Variants in PTK2B observed in about 807,000 individuals in gnomAD.
PTK2B encodes the protein protein tyrosine kinase 2 beta.
PTK2B carries 71 observed loss-of-function variants against 142.9 expected under a neutral mutation model. That is an observed-to-expected ratio of 0.50 (90% CI 0.41 to 0.61). The LOEUF (loss-of-function observed/expected upper bound fraction) is 0.61. Among genes scored for constraint, PTK2B ranks in the 20% least tolerant of loss-of-function variants. The pLI is 0.00. For synonymous variants in PTK2B, 519 were observed against 503.4 expected, an observed-to-expected ratio of 1.03 and a Z score of -0.42; for missense variants, 1,105 against 1,320.4, an observed-to-expected ratio of 0.84 and a Z score of 2.53.
intron 1 of PTK2B, among the ~76,000 whole-genome samples, chr8:27,329,871 AG>A (rs1259752843): frequency 6.6e-6 from 1 of 152,140 alleles, no homozygotes; most frequent in African/African-American, 2.4e-5. Context: ...CCTATTTGCA[AG>A]ATGGAGACAA....
chr8:27,348,441 G>T (rs567132619), intron 1 of PTK2B, among the ~76,000 whole-genome samples: 1 of 151,922 alleles, frequency 6.6e-6, no homozygotes, highest in Non-Finnish European at 1.5e-5. Flanking sequence ...TCTTCCCGGC[G>T]TGCACACACA....
Position 27,312,094 on chromosome 8 carries a change from A to G in PTK2B, c.-580-210A>G, listed in dbSNP as rs151166657. ...CTGAGATAACTAGAGTTCATGCTCA[A>G]TTCTTGCCAGGTACAGTAGGCCTGG... On this transcript the variant is annotated intron_variant, in intron 1 of 35. Transcript: ENST00000397501. 2.2e-3 allele frequency among the ~76,000 whole-genome samples: 329 copies of G among 152,300 alleles called. 1 individual carries two copies. Among genetic ancestry groups the G allele is most frequent in the Non-Finnish European group, 4.3e-3 (292 of 68,030 alleles).
intron 24 of PTK2B, among the ~76,000 whole-genome samples, chr8:27,448,330 C>T (rs935835868): frequency 6.6e-6 from 1 of 152,244 alleles, no homozygotes; most frequent in African/African-American, 2.4e-5. Context: ...TTTTAAAACA[C>T]CATGAGTACC....
chr8:27,431,981 AT>A (rs1810457675), intron 9 of PTK2B: 3 of 367,352 alleles, frequency 8.2e-6, no homozygotes, highest in African/African-American at 6.9e-5. Flanking sequence ...ACATGTTGAG[AT>A]TTTTTTGTGC....
intron 1 of PTK2B, among the ~76,000 whole-genome samples, chr8:27,362,292 G>T (rs1805756616): frequency 6.6e-6 from 1 of 152,124 alleles, no homozygotes. Context: ...TCCACTTCCT[G>T]GGCGTGACTC....
chr8:27,397,163 C>G (rs2131401750), intron 1 of PTK2B, among the ~76,000 whole-genome samples: 1 of 152,316 alleles, frequency 6.6e-6, no homozygotes, highest in East Asian at 1.9e-4. Context: ...CTGTCTCACT[C>G]TTTGCTTTTT....
At chr8:27,437,696 G>A in intron 17 of PTK2B, 69 bp from the exon 18 acceptor site, 1 of 1,468,172 alleles carries the variant, frequency 6.8e-7, no homozygotes, top group Non-Finnish European at 9.4e-7. Context: ...GGGGTTGCCA[G>A]CACCCTGGTC....
At chr8:27,440,106 AG>A (rs2132229051) in intron 20 of PTK2B, 130 bp from the exon 21 acceptor site, 1 of 887,072 alleles carries the variant, frequency 1.1e-6, no homozygotes, top group African/African-American at 1.7e-5. Context: ...GCAGGACCCC[AG>A]GGTGCTGGAG....
At chr8:27,339,222 G>A (rs545846837) in intron 1 of PTK2B, among the ~76,000 whole-genome samples, 1 of 152,326 alleles carries the variant, frequency 6.6e-6, no homozygotes, top group South Asian at 2.1e-4. Flanking sequence ...TCACCAGAGT[G>A]GGACCTTTAG....
At chr8:27,440,550 G>C in intron 21 of PTK2B, 109 bp downstream of exon 21, 1 of 1,322,918 alleles carries the variant, frequency 7.6e-7, no homozygotes, top group Non-Finnish European at 1.0e-6. Context: ...AGACGGGCCA[G>C]GGTCAAGGAC....
chr8:27,340,932 G>C (rs926096658), intron 1 of PTK2B, among the ~76,000 whole-genome samples: 1 of 152,246 alleles, frequency 6.6e-6, no homozygotes, highest in African/African-American at 2.4e-5. Context: ...AGAACAGACA[G>C]GGCTTGGCCA....
At chr8:27,355,439 CAAG>C (rs1321639248) in intron 1 of PTK2B, among the ~76,000 whole-genome samples, 4 of 152,264 alleles carry the variant, frequency 2.6e-5, no homozygotes, top group South Asian at 4.1e-4. Context: ...CTGGAAAAGA[CAAG>C]AAGAAGGATT....
At chr8:27,339,729 CA>C (rs1049720713) in intron 1 of PTK2B, among the ~76,000 whole-genome samples, 12 of 152,180 alleles carry the variant, frequency 7.9e-5, no homozygotes, top group African/African-American at 2.9e-4. Flanking sequence ...AGTTGGGGAT[CA>C]GGGGGTCAGG....
intron 17 of PTK2B, 128 bp from the exon 18 acceptor site, chr8:27,437,636 AC>A: frequency 3.3e-6 from 4 of 1,218,710 alleles, no homozygotes; most frequent in Non-Finnish European, 2.3e-6. Flanking sequence ...AATTGCTGGA[AC>A]ATTTTGCCAG....
In PTK2B at chr8:27,397,806, G is replaced by A; in HGVS notation, c.204+18G>A. Reference sequence around the variant, plus strand: ...AGATCCGGGTAAGTGTGAAGTGTCTGCCCTGTCCATCTGTCTGTCCCTCTG... The same window carrying A: ...AGATCCGGGTAAGTGTGAAGTGTCTACCCTGTCCATCTGTCTGTCCCTCTG... On this transcript the variant is annotated intron_variant, in intron 2 of 30. Transcript: ENST00000346049. 6.2e-7 allele frequency: 1 copy of A among 1,612,518 alleles called. No individual in the cohort carries two copies. The highest frequency in any genetic ancestry group is 8.5e-7 in the Non-Finnish European group (1 of 1,178,504).
chr8:27,351,053 C>A (rs1805064987), intron 1 of PTK2B, among the ~76,000 whole-genome samples: 1 of 112,860 alleles, frequency 8.9e-6, no homozygotes, highest in Non-Finnish European at 1.7e-5. Flanking sequence ...GTGCTTGGAG[C>A]AGGCACAGTG....
intron 24 of PTK2B, among the ~76,000 whole-genome samples, chr8:27,448,180 C>A (rs920795545): frequency 2.6e-5 from 4 of 152,204 alleles, no homozygotes; most frequent in African/African-American, 9.7e-5. Flanking sequence ...CAGTAGGAGG[C>A]AAGACTGAGT....
At chr8:27,365,322 A>G (rs1212820981) in intron 1 of PTK2B, among the ~76,000 whole-genome samples, 1 of 152,142 alleles carries the variant, frequency 6.6e-6, no homozygotes, top group African/African-American at 2.4e-5. Flanking sequence ...TGGGTACTCA[A>G]AGGTGTTTGT....
intron 1 of PTK2B, among the ~76,000 whole-genome samples, chr8:27,387,401 G>C (rs948741242): frequency 2.0e-5 from 3 of 152,166 alleles, no homozygotes; most frequent in African/African-American, 7.2e-5. Flanking sequence ...TCTTCCTCTA[G>C]CTGTTACATT....
Sources: allele counts gnomAD v4.1 joint callset (sites outside exome capture counted in the v4.1 genomes callset), GRCh38; gene constraint gnomAD v4.1.1; transcripts MANE v1.5; gene names NCBI Gene and HGNC (gene_info 2026-07-23, HGNC 2026-07-21).